TMEM164: variants seen among roughly 807,000 people sequenced by gnomAD.
The protein encoded by TMEM164 is transmembrane protein 164, also known as RP13-360B22.2.
In TMEM164, 4 loss-of-function variants were observed where a neutral mutation model predicts 18.8. The ratio of observed to expected loss-of-function variants is 0.21; its 90% confidence interval spans 0.10 to 0.49. TMEM164 has a LOEUF of 0.49. Ranked by LOEUF, TMEM164 falls within the 20% of genes least tolerant of loss-of-function variation. TMEM164 has a pLI of 0.98. For missense variants in TMEM164, 108 were observed against 239.9 expected (o/e 0.45, Z 3.63); for synonymous variants, 86 against 101.7 (o/e 0.85, Z 0.93).
chrX:110,096,921 GA>G (rs749305510), intron 3 of TMEM164, among the ~76,000 whole-genome samples: 2 of 111,615 alleles, frequency 1.8e-5, no homozygotes, highest in African/African-American at 3.2e-5. Context: ...CACAAAGTGG[GA>G]AAAAAATGTA....
At chrX:110,178,099 A>T (rs1402200072), downstream of TMEM164, among the ~76,000 whole-genome samples, 5 of 112,317 alleles carry the variant, frequency 4.5e-5, no homozygotes, top group Non-Finnish European at 7.5e-5. Flanking sequence ...GGAGAAGGCA[A>T]ACACATTCAG....
At chrX:110,017,444 T>TTCTC (rs1555984589) in intron 2 of TMEM164, among the ~76,000 whole-genome samples, 7 of 43,023 alleles carry the variant, frequency 1.6e-4, no homozygotes, top group Non-Finnish European at 2.2e-4. Flanking sequence ...CTTTCTTTCT[T>TTCTC]TCTCTCTCTC....
intron 4 of TMEM164, among the ~76,000 whole-genome samples, chrX:110,137,609 T>A (rs1228507871): frequency 9.0e-6 from 1 of 111,576 alleles, no homozygotes; most frequent in Admixed American, 9.5e-5. Flanking sequence ...CATGCATGCC[T>A]CTCACTCACT....
rs186536087 is a variant in TMEM164 at position 110,170,289 on chromosome X, G to A, written c.587-1131G>A. ...GTTTTGTTTTCCCATAACAGGTGGC[G>A]CAGACCTCAGTCATCCCACCAGCTA... On this transcript the variant is annotated intron_variant, in intron 5 of 6. Coordinates refer to ENST00000372068, the MANE Select transcript of TMEM164 (RefSeq NM_032227.4). Among the ~76,000 whole-genome samples the A allele has an allele frequency of 4.4e-5, 5 of 112,529 alleles. No homozygotes were observed. The Admixed American group carries it at 4.7e-4, about 10-fold the overall frequency.
chrX:110,161,333 G>A (rs999870344), intron 5 of TMEM164, among the ~76,000 whole-genome samples: 1 of 111,655 alleles, frequency 9.0e-6, no homozygotes, highest in Non-Finnish European at 1.9e-5. Context: ...TAGGATGTTA[G>A]AGAAGTTCCC....
At chrX:110,074,558 C>A (rs2065644137) in intron 3 of TMEM164, among the ~76,000 whole-genome samples, 1 of 111,567 alleles carries the variant, frequency 9.0e-6, no homozygotes, top group Non-Finnish European at 1.9e-5. Flanking sequence ...AAGGTATTTT[C>A]TGGGTTTTCT....
At chrX:110,018,922 G>T (rs1048959253) in intron 2 of TMEM164, among the ~76,000 whole-genome samples, 1 of 112,145 alleles carries the variant, frequency 8.9e-6, no homozygotes, top group Admixed American at 9.4e-5. Context: ...ATCAAAATGA[G>T]AACAATCATC....
intron 5 of TMEM164, among the ~76,000 whole-genome samples, chrX:110,145,326 T>C (rs907177011): frequency 9.0e-6 from 1 of 111,400 alleles, no homozygotes; most frequent in Non-Finnish European, 1.9e-5. Flanking sequence ...ATTATGGGAT[T>C]GAGGGGAGAG....
intron 5 of TMEM164, among the ~76,000 whole-genome samples, 200 bp from the exon 6 acceptor site, chrX:110,171,220 A>G (rs1362834397): frequency 1.8e-5 from 2 of 111,845 alleles, no homozygotes; most frequent in Admixed American, 1.9e-4. Flanking sequence ...CCCTAGAAAT[A>G]AGTGGCAGGA....
At chrX:110,010,430 G>A (rs1200081978) in intron 2 of TMEM164, among the ~76,000 whole-genome samples, 2 of 112,849 alleles carry the variant, frequency 1.8e-5, no homozygotes, top group East Asian at 2.8e-4. Flanking sequence ...GAGTGAATGC[G>A]AAGAGACTCT....
intron 3 of TMEM164, among the ~76,000 whole-genome samples, chrX:110,088,566 C>T (rs1464892737): frequency 8.9e-6 from 1 of 111,886 alleles, no homozygotes; most frequent in Non-Finnish European, 1.9e-5. Context: ...ACCAGTTTCT[C>T]TTTTTTATTC....
intron 3 of TMEM164, among the ~76,000 whole-genome samples, chrX:110,075,158 C>T (rs1219569205): frequency 9.0e-6 from 1 of 111,283 alleles, no homozygotes; most frequent in African/African-American, 3.3e-5. Context: ...TAGTTCTCCT[C>T]GTAAAGATCT....
At chrX:110,092,367 T>G (rs2065943519) in intron 3 of TMEM164, among the ~76,000 whole-genome samples, 1 of 112,103 alleles carries the variant, frequency 8.9e-6, no homozygotes, top group Non-Finnish European at 1.9e-5. Flanking sequence ...CATTTGTTTG[T>G]ATCCTCTTTT....
At chrX:110,088,840 T>A (rs1025072728) in intron 3 of TMEM164, among the ~76,000 whole-genome samples, 8 of 112,135 alleles carry the variant, frequency 7.1e-5, no homozygotes, top group African/African-American at 2.6e-4. Context: ...GCTTTAAGCA[T>A]GTATTTAGAT....
chrX:110,159,370 G>A (rs1434149205), intron 5 of TMEM164, among the ~76,000 whole-genome samples: 1 of 110,914 alleles, frequency 9.0e-6, no homozygotes, highest in Non-Finnish European at 1.9e-5. Flanking sequence ...AGGTCTAGGG[G>A]CATGCGCATA....
At chrX:110,116,869 TGTGTGTG>T (rs1157580468) in intron 4 of TMEM164, among the ~76,000 whole-genome samples, 1 of 101,680 alleles carries the variant, frequency 9.8e-6, no homozygotes, top group African/African-American at 3.7e-5. Flanking sequence ...TGCGTGTGTG[TGTGTGTG>T]GTGTGTGTGT....
chrX:110,109,053 C>G (rs747204346), intron 3 of TMEM164, 27 bp from the exon 4 acceptor site: 1 of 1,198,777 alleles, frequency 8.3e-7, no homozygotes, highest in African/African-American at 1.8e-5. Context: ...TGAGTATGAC[C>G]TGAACTTTAT....
intron 3 of TMEM164, among the ~76,000 whole-genome samples, chrX:110,076,938 T>G (rs2147876838): frequency 8.9e-6 from 1 of 112,157 alleles, no homozygotes; most frequent in South Asian, 3.7e-4. Flanking sequence ...TCTGTGATTG[T>G]TGGGTGGAGT....
In TMEM164 at chrX:110,174,357, C is replaced by T. The variant is rs111943015; in HGVS notation, c.*906C>T. On this transcript the variant is annotated 3_prime_UTR_variant, in exon 7 of 7. Transcript: ENST00000372068. ...AAATGTGTTCCCTCTCCCTTTCCCT[C>T]TCCCCCCACCCCTCCCCCTCCCCCC... The T allele has an allele frequency of 1.3e-5, 1 of 74,987 alleles. No homozygotes were observed. Among genetic ancestry groups the T allele is most frequent in the Middle Eastern group, 6.6e-3 (1 of 151 alleles). 6.2% of individuals were successfully genotyped at this position (74,987 alleles called of 1,213,427 possible). A position where few individuals can be genotyped will look rare whatever the true frequency, so the allele number is the denominator to read the frequency against.
Sources: allele counts gnomAD v4.1 joint callset (sites outside exome capture counted in the v4.1 genomes callset), GRCh38; gene constraint gnomAD v4.1.1; transcripts MANE v1.5; gene names NCBI Gene and HGNC (gene_info 2026-07-23, HGNC 2026-07-21).